ATP13A4: variants seen among roughly 807,000 people sequenced by gnomAD.
The protein encoded by ATP13A4 is probable cation-transporting ATPase 13A4.
In ATP13A4, 114 loss-of-function variants were observed where a neutral mutation model predicts 142.5. The ratio of observed to expected loss-of-function variants is 0.80; its 90% CI spans 0.69 to 0.93. The LOEUF is 0.93. Among genes scored for constraint, ATP13A4 ranks in the 40% least tolerant of loss-of-function variants. The probability of loss-of-function intolerance (pLI) is 0.00; values close to 1 mark genes in which losing one functional copy is unlikely to be tolerated. For synonymous variants in ATP13A4, 488 were observed against 514.8 expected (o/e 0.95, Z 0.70); for missense variants, 1,392 against 1,454.0 (o/e 0.96, Z 0.69).
At chr3:193,588,487 C>G (rs767514728) in intron 1 of ATP13A4, among the ~76,000 whole-genome samples, 14 of 152,156 alleles carry the variant, frequency 9.2e-5, no homozygotes, top group Non-Finnish European at 1.6e-4. Context: ...CTTCATTTAG[C>G]TTTTCATTGT....
At chr3:193,500,999 C>A (rs1333863325) in intron 3 of ATP13A4, among the ~76,000 whole-genome samples, 2 of 152,100 alleles carry the variant, frequency 1.3e-5, no homozygotes, top group African/African-American at 2.4e-5. Flanking sequence ...AGTAACTAAC[C>A]AAACTGCCTA....
At chr3:193,503,336 C>T (rs1720666208) in intron 2 of ATP13A4, among the ~76,000 whole-genome samples, 1 of 152,166 alleles carries the variant, frequency 6.6e-6, no homozygotes, top group Non-Finnish European at 1.5e-5. Context: ...CTTCCATTTG[C>T]AGTTCACTGA....
chr3:193,528,555 G>A (rs1460218850), intron 1 of ATP13A4, among the ~76,000 whole-genome samples: 1 of 152,084 alleles, frequency 6.6e-6, no homozygotes, highest in East Asian at 1.9e-4. Context: ...AGAATAGTGG[G>A]GCATAAGGAA....
chr3:193,438,128 G>A (rs549242051), intron 23 of ATP13A4, among the ~76,000 whole-genome samples: 2 of 152,108 alleles, frequency 1.3e-5, no homozygotes, highest in African/African-American at 2.4e-5. Flanking sequence ...CACTGCGCCC[G>A]GCCAAAGATT....
chr3:193,488,899 AG>A (rs1183439547), intron 7 of ATP13A4, among the ~76,000 whole-genome samples: 1 of 152,164 alleles, frequency 6.6e-6, no homozygotes, highest in Non-Finnish European at 1.5e-5. Context: ...CACCCCAGGA[AG>A]GTGGGAGTGG....
chr3:193,526,909 T>C (rs1722034805), intron 1 of ATP13A4, among the ~76,000 whole-genome samples: 1 of 152,148 alleles, frequency 6.6e-6, no homozygotes, highest in South Asian at 2.1e-4. Flanking sequence ...ATTAAATCGG[T>C]TGCATATAAT....
intron 25 of ATP13A4, among the ~76,000 whole-genome samples, chr3:193,422,376 G>T (rs1382232228): frequency 1.3e-5 from 2 of 149,926 alleles, no homozygotes; most frequent in Admixed American, 6.9e-5. Flanking sequence ...AGACAAAATA[G>T]ACCTAACAGA....
chr3:193,510,592 C>A (rs1296082071), intron 2 of ATP13A4, among the ~76,000 whole-genome samples: 1 of 152,180 alleles, frequency 6.6e-6, no homozygotes, highest in African/African-American at 2.4e-5. Context: ...GAACAGAATG[C>A]TGCTTTTAAA....
intron 8 of ATP13A4, among the ~76,000 whole-genome samples, chr3:193,481,638 A>AC (rs929288698): frequency 8.5e-5 from 13 of 152,180 alleles, no homozygotes; most frequent in Non-Finnish European, 1.5e-5. Flanking sequence ...ATGTTCATCT[A>AC]TGGTATTTTC....
intron 2 of ATP13A4, among the ~76,000 whole-genome samples, chr3:193,504,020 T>TGAGA (rs1553851730): frequency 5.5e-5 from 8 of 144,214 alleles, no homozygotes; most frequent in East Asian, 2.0e-4. Flanking sequence ...TGTGTGTGTG[T>TGAGA]GAGAGAGAGA....
chr3:193,467,214 T>A, intron 10 of ATP13A4, 102 bp downstream of exon 10: 2 of 1,210,244 alleles, frequency 1.7e-6, no homozygotes, highest in Non-Finnish European at 2.3e-6. Flanking sequence ...AAAATATGAT[T>A]ATAAAGAAAA....
rs758961341 is a variant in ATP13A4 at position 193,433,935 on chromosome 3, GC to G, written c.2770-19del. On this transcript the variant is annotated intron_variant, in intron 24 of 29. Coordinates refer to ENST00000342695, the MANE Select transcript of ATP13A4 (RefSeq NM_032279.4). ...TTTGTCTCCTGAAAATAAAAAGAAAGCAGATCAAAAAAGTTGTGACCTTCTG... is the reference window on the plus strand; with the variant it reads ...TTTGTCTCCTGAAAATAAAAAGAAAGAGATCAAAAAAGTTGTGACCTTCTG... 10 of 1,605,358 alleles carry G rather than the reference GC, an allele frequency of 6.2e-6. No individual in the cohort carries two copies. In the South Asian group the frequency reaches 8.8e-5, roughly 14 times the overall value.
intron 8 of ATP13A4, among the ~76,000 whole-genome samples, chr3:193,474,628 G>A (rs544298491): frequency 2.2e-5 from 3 of 134,992 alleles, no homozygotes; most frequent in Non-Finnish European, 4.7e-5. Flanking sequence ...GAAGGAGAGA[G>A]AGACGAGAAA....
At chr3:193,521,490 C>T (rs1560253480) in intron 1 of ATP13A4, among the ~76,000 whole-genome samples, 2 of 152,118 alleles carry the variant, frequency 1.3e-5, no homozygotes, top group African/African-American at 2.4e-5. Context: ...CAGGTTAATG[C>T]CTTACAGGAG....
At chr3:193,410,813 G>C (rs1358100752) in intron 28 of ATP13A4, among the ~76,000 whole-genome samples, 169 bp downstream of exon 28, 1 of 152,054 alleles carries the variant, frequency 6.6e-6, no homozygotes, top group Non-Finnish European at 1.5e-5. Context: ...TTTATTTCTT[G>C]ACCAGTTTAA....
intron 13 of ATP13A4, among the ~76,000 whole-genome samples, chr3:193,460,934 T>A (rs965196359): frequency 3.3e-5 from 5 of 152,246 alleles, no homozygotes; most frequent in African/African-American, 1.2e-4. Context: ...GAGCTCACCT[T>A]TAACAAGAAG....
chr3:193,434,040 T>C, intron 24 of ATP13A4, 123 bp from the exon 25 acceptor site: 1 of 826,886 alleles, frequency 1.2e-6, no homozygotes, highest in Non-Finnish European at 2.0e-6. Flanking sequence ...GGAGATGCTG[T>C]GTTCGGGGCC....
intron 8 of ATP13A4, among the ~76,000 whole-genome samples, chr3:193,477,774 T>C (rs1039693493): frequency 1.3e-5 from 2 of 152,016 alleles, no homozygotes; most frequent in South Asian, 2.1e-4. Flanking sequence ...CTTGAGTTCA[T>C]AGAGCAGAGT....
Position 193,435,525 on chromosome 3 carries a change from G to A in ATP13A4, c.2769+123C>T, listed in dbSNP as rs943157517. ...TTTACAAATTCTTAAGGATATTTTT[G>A]GAGGGGCTGTTGTTGTTCAGATATC... is the stretch of plus-strand genomic sequence containing the variant. On this transcript the variant is annotated intron_variant, in intron 24 of 29. Transcript: ENST00000342695. 3 of 828,696 alleles carry A rather than the reference G, an allele frequency of 3.6e-6. No homozygotes were observed. The African/African-American group carries it at 5.0e-5, about 14-fold the overall frequency. 51.3% of individuals were successfully genotyped at this position (828,696 alleles called of 1,614,324 possible). A position where few individuals can be genotyped will look rare whatever the true frequency, so the allele number is the denominator to read the frequency against.
Sources: allele counts gnomAD v4.1 joint callset (sites outside exome capture counted in the v4.1 genomes callset), GRCh38; gene constraint gnomAD v4.1.1; transcripts MANE v1.5; gene names NCBI Gene and HGNC (gene_info 2026-07-23, HGNC 2026-07-21).